NDUFAF6: variants seen among roughly 807,000 people sequenced by gnomAD.
NDUFAF6 encodes the protein NADH dehydrogenase (ubiquinone) complex I, assembly factor 6.
NDUFAF6 carries 45 observed loss-of-function variants against 40.8 expected under a neutral mutation model. The observed-to-expected ratio is 1.10, with a 90% CI of 0.87 to 1.42. The LOEUF is 1.42. NDUFAF6 is among the 40% of genes most tolerant of loss of function. The pLI is 0.00. For synonymous variants in NDUFAF6, 185 were observed against 155.9 expected (o/e 1.19, Z -1.39); for missense variants, 435 against 418.5 (o/e 1.04, Z -0.34).
chr8:94,986,868 G>C (rs1227280335), intron 2 of NDUFAF6, among the ~76,000 whole-genome samples: 4 of 152,178 alleles, frequency 2.6e-5, no homozygotes, highest in African/African-American at 9.7e-5. Context: ...TGCATATTTG[G>C]CCACTGTATA....
At chr8:94,903,319 A>G (rs532669601) in intron 1 of NDUFAF6, among the ~76,000 whole-genome samples, 7 of 152,248 alleles carry the variant, frequency 4.6e-5, no homozygotes, top group Non-Finnish European at 7.3e-5. Flanking sequence ...AGATTGTACC[A>G]CTGCACTCTA....
intron 1 of NDUFAF6, among the ~76,000 whole-genome samples, chr8:94,942,142 T>C (rs1821599438): frequency 6.6e-6 from 1 of 151,910 alleles, no homozygotes; most frequent in African/African-American, 2.4e-5. Context: ...GTTCACGCCA[T>C]TCTCCTGCCT....
intron 1 of NDUFAF6, among the ~76,000 whole-genome samples, chr8:94,980,389 G>A (rs1205577366): frequency 2.6e-5 from 4 of 151,070 alleles, no homozygotes; most frequent in African/African-American, 7.3e-5. Context: ...AAGGTGTGAC[G>A]GGAATGTGGT....
chr8:94,931,262 G>C (rs1820363993), intron 1 of NDUFAF6, among the ~76,000 whole-genome samples: 1 of 152,072 alleles, frequency 6.6e-6, no homozygotes, highest in South Asian at 2.1e-4. Flanking sequence ...ATTTGCATAT[G>C]GAAATTCTAC....
At chr8:94,940,396 A>G (rs1198197423) in intron 1 of NDUFAF6, among the ~76,000 whole-genome samples, 2 of 152,096 alleles carry the variant, frequency 1.3e-5, no homozygotes, top group African/African-American at 4.8e-5. Context: ...TCAGAAAACC[A>G]TTTATATTCA....
intron 4 of NDUFAF6, chr8:95,044,644 C>G (rs1830530686): frequency 6.6e-6 from 1 of 151,896 alleles, no homozygotes; most frequent in Admixed American, 6.6e-5. Flanking sequence ...TTGGTACAGA[C>G]AGGGTTTTAC....
upstream of NDUFAF6, among the ~76,000 whole-genome samples, chr8:94,954,124 G>A (rs756897652): frequency 6.7e-6 from 1 of 148,628 alleles, no homozygotes; most frequent in Non-Finnish European, 1.5e-5. Flanking sequence ...GTGCAGTGGC[G>A]TGATCTCCAC....
rs764874815 is a variant in NDUFAF6 at position 95,045,689 on chromosome 8, ATACCTATG to A, written c.580+43_580+50del. 4.0e-6 allele frequency: 6 copies of A among 1,489,956 alleles called. No individual in the cohort carries two copies. The African/African-American group carries it at 8.3e-5, about 21-fold the overall frequency. The allele number at this position is 1,489,956 out of a possible 1,614,324, so 92.3% of individuals were successfully genotyped here. The stretch of plus-strand genomic sequence containing the variant: ...TTTCATACTTCTTTTTTCCAATAAA[ATACCTATG>A]AGATTTCACTTTTTCATAATTTGGT... On this transcript the variant is annotated intron_variant, in intron 5 of 8. Transcript: ENST00000396124.
At chr8:94,930,503 G>A (rs1182631413) in intron 1 of NDUFAF6, 3 of 1,614,228 alleles carry the variant, frequency 1.9e-6, no homozygotes, top group Non-Finnish European at 1.7e-6. Flanking sequence ...GACGCGGGCA[G>A]GGCTGATGAA....
At chr8:95,027,579 CAAAA>C (rs1207611146) in intron 1 of NDUFAF6, among the ~76,000 whole-genome samples, 5 of 68,924 alleles carry the variant, frequency 7.3e-5, no homozygotes, top group African/African-American at 5.5e-5. Context: ...GACCCTGTCT[CAAAA>C]AAAAAAAAAA....
chr8:94,949,605 G>A (rs1822385267), intron 2 of NDUFAF6, among the ~76,000 whole-genome samples: 1 of 151,954 alleles, frequency 6.6e-6, no homozygotes, highest in African/African-American at 2.4e-5. Context: ...CGGAAGGGTG[G>A]GAGAGAGGGG....
In NDUFAF6 at chr8:95,068,081, T is replaced by G. The variant is rs1313680729; in HGVS notation, c.*512-7552T>G. The G allele has an allele frequency of 2.6e-5, 4 of 151,788 alleles. 1 individual carries two copies. Among genetic ancestry groups the G allele is most frequent in the African/African-American group, 9.7e-5 (4 of 41,076 alleles). 9.4% of individuals were successfully genotyped at this position (151,788 alleles called of 1,614,324 possible). ...TAGTCCTTTGTCTAGAGAAACAGGC[T>G]TTTGTTGGGGATTTTTTATTTGCTC... On this transcript the variant is annotated intron_variant and NMD_transcript_variant, in intron 9 of 9. Coordinates refer to the NDUFAF6 transcript ENST00000520757.
At chr8:94,949,714 C>T (rs1822400424) in intron 2 of NDUFAF6, among the ~76,000 whole-genome samples, 1 of 152,082 alleles carries the variant, frequency 6.6e-6, no homozygotes, top group Non-Finnish European at 1.5e-5. Context: ...CGGCGGGCAA[C>T]GGGAAGGGCA....
At chr8:94,922,446 A>G (rs1213929630) in intron 1 of NDUFAF6, among the ~76,000 whole-genome samples, 1 of 150,952 alleles carries the variant, frequency 6.6e-6, no homozygotes. Context: ...CTCTGGCCCC[A>G]TACACAACAG....
chr8:95,092,850 T>A (rs908742315), intron 2 of NDUFAF6, among the ~76,000 whole-genome samples: 55 of 152,238 alleles, frequency 3.6e-4, no homozygotes, highest in Non-Finnish European at 2.2e-4. Flanking sequence ...TCCCAGGTGC[T>A]GGGATCACAG....
chr8:95,085,066 C>T (rs567130988), intron 2 of NDUFAF6, among the ~76,000 whole-genome samples: 5 of 152,226 alleles, frequency 3.3e-5, no homozygotes, highest in Admixed American at 6.5e-5. Context: ...GACTGATGGC[C>T]GTTATTAATG....
intron 1 of NDUFAF6, among the ~76,000 whole-genome samples, chr8:94,958,368 T>C (rs1823257019): frequency 6.6e-6 from 1 of 152,072 alleles, no homozygotes; most frequent in Non-Finnish European, 1.5e-5. Context: ...TGTGGATGGC[T>C]GTCTTCTCCC....
intron 1 of NDUFAF6, among the ~76,000 whole-genome samples, chr8:94,913,361 G>A (rs1586629673): frequency 1.3e-5 from 2 of 152,156 alleles, no homozygotes; most frequent in East Asian, 3.8e-4. Context: ...ATAAACTCAT[G>A]TTCACTGATA....
chr8:95,115,633 A>C (rs1810116617), exon 5 of NDUFAF6: 1 of 152,078 alleles, frequency 6.6e-6, no homozygotes, highest in Admixed American at 6.6e-5. Context: ...CGACTGCATC[A>C]GGAAGTTAGA....
Sources: gnomAD v4.1 joint callset for allele counts (sites outside exome capture counted in the v4.1 genomes callset) on GRCh38, gnomAD v4.1.1 for gene constraint, MANE v1.5 for transcripts, NCBI Gene and HGNC (gene_info 2026-07-23, HGNC 2026-07-21) for gene names.